MCF2L2: variants seen among roughly 807,000 people sequenced by gnomAD.
The protein encoded by MCF2L2 is probable guanine nucleotide exchange factor MCF2L2.
A neutral mutation model predicts 150.2 loss-of-function variants in MCF2L2; 102 were observed. That is an observed-to-expected ratio of 0.68 (90% CI 0.58 to 0.80). The LOEUF (loss-of-function observed/expected upper bound fraction) is 0.80. Ranked by LOEUF, MCF2L2 falls within the 30% of genes least tolerant of loss-of-function variation. MCF2L2 has a pLI of 0.00. For synonymous variants in MCF2L2, 465 were observed against 491.3 expected, an observed-to-expected ratio of 0.95 and a Z score of 0.71; for missense variants, 1,256 against 1,372.8, an observed-to-expected ratio of 0.91 and a Z score of 1.34.
At chr3:183,226,890 T>C (rs188339984) in intron 18 of MCF2L2, 5 of 152,334 alleles carry the variant, frequency 3.3e-5, no homozygotes, top group Admixed American at 3.3e-4. Flanking sequence ...GTTTTCAGTG[T>C]ACATTGAATT....
chr3:183,196,897 G>A (rs1722100345), intron 25 of MCF2L2, among the ~76,000 whole-genome samples: 1 of 152,088 alleles, frequency 6.6e-6, no homozygotes, highest in African/African-American at 2.4e-5. Flanking sequence ...GCCTTAAGGA[G>A]GGCTTGAGAA....
Position 183,389,683 on chromosome 3 carries a change from A to G in MCF2L2, c.160+13T>C. 6.2e-7 allele frequency: 1 copy of G among 1,612,270 alleles called. No individual in the cohort carries two copies. Among genetic ancestry groups the G allele is most frequent in the South Asian group, 1.1e-5 (1 of 91,032 alleles). On this transcript the variant is annotated intron_variant, in intron 2 of 29. Transcript: ENST00000328913. ...CATCAAAATCTGGAAATGCAAATGA[A>G]TGTGCCCCTTACCTGAAAGAATGGC...
intron 15 of MCF2L2, among the ~76,000 whole-genome samples, chr3:183,238,365 G>A (rs1723838019): frequency 6.6e-6 from 1 of 151,722 alleles, no homozygotes; most frequent in African/African-American, 2.4e-5. Flanking sequence ...TGCAGTCTCG[G>A]CTCACTGCCA....
chr3:183,364,288 G>A (rs1177643566), intron 3 of MCF2L2, among the ~76,000 whole-genome samples: 7 of 151,992 alleles, frequency 4.6e-5, no homozygotes, highest in East Asian at 1.9e-4. Flanking sequence ...AGGGCGAGGC[G>A]GGCGGATCAC....
At chr3:183,417,670 T>C (rs934141447) in intron 1 of MCF2L2, among the ~76,000 whole-genome samples, 1 of 152,220 alleles carries the variant, frequency 6.6e-6, no homozygotes, top group African/African-American at 2.4e-5. Context: ...AATGTCTTTA[T>C]TTTGCTTTCA....
chr3:183,302,459 G>A (rs1728899632), intron 10 of MCF2L2, among the ~76,000 whole-genome samples: 1 of 152,146 alleles, frequency 6.6e-6, no homozygotes, highest in Non-Finnish European at 1.5e-5. Context: ...GGCTGCAGCA[G>A]AGGGAGCAAG....
At chr3:183,393,154 C>T (rs1053472232) in intron 1 of MCF2L2, among the ~76,000 whole-genome samples, 2 of 151,728 alleles carry the variant, frequency 1.3e-5, no homozygotes, top group African/African-American at 4.8e-5. Context: ...TGCTTCTTTG[C>T]CATTTTTGGC....
At position 183,179,184 on chromosome 3, in the gene MCF2L2, G is replaced by T; in HGVS notation, c.*196C>A. 1.5e-6 allele frequency: 1 copy of T among 662,508 alleles called. No homozygotes were observed. Among genetic ancestry groups the T allele is most frequent in the Non-Finnish European group, 2.2e-6 (1 of 450,304 alleles). 41.0% of individuals were successfully genotyped at this position (662,508 alleles called of 1,614,324 possible). ...TGCAGGCGCCTTAGAGCAGCTCCGA[G>T]GTCCCCCGTGCGGAGCTAGGCGCGC... On this transcript the variant is annotated 3_prime_UTR_variant, in exon 30 of 30. Coordinates refer to ENST00000328913, the MANE Select transcript of MCF2L2 (RefSeq NM_015078.4). This position sits in a 1 kb window ranked among gnomAD's most constrained non-coding sequence, Gnocchi z 4.2.
At chr3:183,299,931 G>A in intron 11 of MCF2L2, 74 bp downstream of exon 11, 1 of 1,489,740 alleles carries the variant, frequency 6.7e-7, no homozygotes, top group Non-Finnish European at 9.2e-7. Context: ...CACAAGGAAG[G>A]GAGGACGAGT....
chr3:183,249,662 G>A (rs1317543844), intron 15 of MCF2L2, among the ~76,000 whole-genome samples: 1 of 152,208 alleles, frequency 6.6e-6, no homozygotes, highest in Non-Finnish European at 1.5e-5. Context: ...CCCTGGAATT[G>A]AGGGAGGATG....
chr3:183,180,422 AAC>A lies in MCF2L2; in HGVS notation c.3017-265_3017-264del, dbSNP rs886277684. 108 of 414,464 alleles carry A rather than the reference AAC, an allele frequency of 2.6e-4. 1 individual carries two copies. Among genetic ancestry groups the A allele is most frequent in the Non-Finnish European group, 3.7e-4 (87 of 234,288 alleles). 25.7% of individuals were successfully genotyped at this position (414,464 alleles called of 1,614,324 possible). On this transcript the variant is annotated intron_variant, in intron 27 of 29. Transcript: ENST00000328913. ...CCCTACCTCCCCGTTCCTCCAAGAA[AAC>A]AGTCATTGTTTTTTGTGTTTGCCAG...
intron 3 of MCF2L2, among the ~76,000 whole-genome samples, chr3:183,371,119 T>C (rs550152824): frequency 1.3e-5 from 2 of 152,208 alleles, no homozygotes; most frequent in Non-Finnish European, 2.9e-5. Context: ...AGCAGCACTT[T>C]TGCTCGTTAA....
At chr3:183,347,246 C>T (rs552508722) in intron 3 of MCF2L2, among the ~76,000 whole-genome samples, 20 of 152,176 alleles carry the variant, frequency 1.3e-4, no homozygotes, top group South Asian at 8.3e-4. Context: ...TCAGAAATAA[C>T]GCCACACATC....
At chr3:183,263,692 G>A (rs1479494788) in intron 15 of MCF2L2, among the ~76,000 whole-genome samples, 1 of 152,014 alleles carries the variant, frequency 6.6e-6, no homozygotes, top group African/African-American at 2.4e-5. Flanking sequence ...ATTACCCCCT[G>A]GACATCTGTA....
At chr3:183,184,923 CT>C (rs72262541) in intron 27 of MCF2L2, among the ~76,000 whole-genome samples, 35,190 of 145,346 alleles carry the variant, frequency 0.24, 5,019 homozygotes, top group African/African-American at 0.4. Context: ...TTTTCTTTTT[CT>C]TTTTTTTTTT....
chr3:183,341,739 T>A, intron 3 of MCF2L2, 109 bp from the exon 4 acceptor site: 1 of 736,846 alleles, frequency 1.4e-6, no homozygotes. Context: ...AGGCTCACCG[T>A]GTAAACACCC....
intron 2 of MCF2L2, among the ~76,000 whole-genome samples, chr3:183,387,762 A>G (rs568822234): frequency 2.8e-4 from 42 of 152,044 alleles, no homozygotes; most frequent in Middle Eastern, 6.8e-3. Context: ...GTGAAAGCCC[A>G]TCTCTACAAA....
At chr3:183,403,382 AGAGT>A (rs1325778057) in intron 1 of MCF2L2, among the ~76,000 whole-genome samples, 1 of 152,266 alleles carries the variant, frequency 6.6e-6, no homozygotes, top group Non-Finnish European at 1.5e-5. Context: ...GTGATAAGAG[AGAGT>A]GAGATTGTAT....
intron 2 of MCF2L2, among the ~76,000 whole-genome samples, chr3:183,382,677 C>T (rs986161560): frequency 6.6e-6 from 1 of 152,228 alleles, no homozygotes; most frequent in East Asian, 1.9e-4. Context: ...TACAAACAAC[C>T]CCAAATTATT....
Sources: allele counts gnomAD v4.1 joint callset (sites outside exome capture counted in the v4.1 genomes callset), GRCh38; gene constraint gnomAD v4.1.1; non-coding constraint Gnocchi (gnomAD v3.1); transcripts MANE v1.5; gene names NCBI Gene and HGNC (gene_info 2026-07-23, HGNC 2026-07-21).